Variants in AXIN2 observed in about 807,000 individuals in gnomAD.
AXIN2 encodes the protein axin 2.
Under a neutral mutation model 74.7 loss-of-function variants are expected in AXIN2, and 21 were observed. The ratio of observed to expected loss-of-function variants is 0.28; its 90% confidence interval spans 0.20 to 0.40. The LOEUF (loss-of-function observed/expected upper bound fraction) is 0.40, where lower values mean the gene tolerates loss of function less well. AXIN2 is among the 10% of genes least tolerant of loss of function. The pLI is 1.00. For missense variants in AXIN2, 1,144 were observed against 1,111.1 expected, an observed-to-expected ratio of 1.03 and a Z score of -0.42; for synonymous variants, 532 against 454.9, an observed-to-expected ratio of 1.17 and a Z score of -2.16.
chr17:65,543,393 C>T (rs1411296747), intron 3 of AXIN2, among the ~76,000 whole-genome samples: 7 of 152,152 alleles, frequency 4.6e-5, no homozygotes, highest in Non-Finnish European at 7.3e-5. Flanking sequence ...TAGCTGAAAA[C>T]GGGACTTATA....
Position 65,529,344 on chromosome 17 carries a change from G to GAA in AXIN2, c.*630_*631dup, listed in dbSNP as rs796431470. On this transcript the variant is annotated 3_prime_UTR_variant, in exon 11 of 11. Transcript: ENST00000307078. ...TTTAAGACAAAACAGAGCAGCATAG[G>GAA]AAAAAAAAAAACAAAACGCACCAAT... 22 of 209,460 alleles carry GAA rather than the reference G, an allele frequency of 1.1e-4. No individual in the cohort carries two copies. The highest frequency in any genetic ancestry group is 2.9e-4 in the Admixed American group (5 of 17,450). 13.0% of individuals were successfully genotyped at this position (209,460 alleles called of 1,614,324 possible).
At chr17:65,538,162 C>T (rs755305827) in intron 5 of AXIN2, 41 bp downstream of exon 5, 2 of 1,613,916 alleles carry the variant, frequency 1.2e-6, no homozygotes, top group Non-Finnish European at 1.7e-6. Context: ...CGAGCGCTCA[C>T]GCCGTGGACG....
chr17:65,546,761 C>T (rs1226491748), intron 3 of AXIN2, among the ~76,000 whole-genome samples: 1 of 152,192 alleles, frequency 6.6e-6, no homozygotes, highest in Non-Finnish European at 1.5e-5. Flanking sequence ...ACAGAGCCAA[C>T]ACCATGAGCC....
Position 65,557,866 on chromosome 17 carries a change from C to A in AXIN2, c.755G>T (p.Ser252Ile), listed in dbSNP as rs750951236. The change falls in exon 2 of 11, where the codon AGC (serine) becomes ATC (isoleucine). Residue 252 changes from serine (S) to isoleucine (I), a missense_variant. Transcript: ENST00000307078. ...KLSPTVVGLS[S>I]KTLRATASVR... Reference sequence around the variant, plus strand: ...ACTCGCCGTGGCCCTCAGAGTTTTGCTGGACAAGCCAACCACGGTTGGCGA... The same window carrying A: ...ACTCGCCGTGGCCCTCAGAGTTTTGATGGACAAGCCAACCACGGTTGGCGA... The A allele has an allele frequency of 6.2e-7, 1 of 1,614,226 alleles. No individual in the cohort carries two copies. The highest frequency in any genetic ancestry group is 2.2e-5 in the East Asian group (1 of 44,880).
rs369221713 is a variant in AXIN2 at position 65,549,492 on chromosome 17, C to T, written c.956+28G>A. ...CAGGTGGCATCCACTCCCAAGCAAG[C>T]CCACGGAAGGGTGGCCAGGATACTC... On this transcript the variant is annotated intron_variant, in intron 3 of 10. Transcript: ENST00000307078. 10 of 1,611,280 alleles carry T rather than the reference C, an allele frequency of 6.2e-6. No individual in the cohort carries two copies. The African/African-American group carries it at 8.0e-5, about 13-fold the overall frequency.
Position 65,530,038 on chromosome 17 carries a change from C to T in AXIN2, c.2470G>A (p.Asp824Asn), listed in dbSNP as rs1244596696. The T allele has an allele frequency of 6.2e-7, 1 of 1,614,132 alleles. No homozygotes were observed. The highest frequency in any genetic ancestry group is 1.3e-5 in the African/African-American group (1 of 74,938). Residue 824 changes from aspartate to asparagine, a missense_variant, in exon 11 of 11, where the codon GAT becomes AAT. Asp to Asn is a conservative substitution (Grantham distance 23). Around this residue, in one of 4 missense-constraint regions of AXIN2, gnomAD observed 65 missense variants for 95.7 expected, o/e 0.68. Transcript: ENST00000307078. ...TCATACATCGGGAGCACCGTCTCAT[C>T]CTCCCAGATCTCCTCAAACACCGCT... ...CGAVFEEIWE[D>N]ETVLPMYEGR... is the part of the protein sequence containing the mutation.
chr17:65,537,977 G>T, intron 5 of AXIN2, 142 bp from the exon 6 acceptor site: 1 of 1,345,418 alleles, frequency 7.4e-7, no homozygotes, highest in Non-Finnish European at 1.0e-6. Flanking sequence ...CACACGCACA[G>T]GCCCGCCTAC....
At chr17:65,548,742 CCA>C (rs1285015422) in intron 3 of AXIN2, among the ~76,000 whole-genome samples, 1 of 152,168 alleles carries the variant, frequency 6.6e-6, no homozygotes, top group Non-Finnish European at 1.5e-5. Context: ...TGCTGTCCAT[CCA>C]CAGAGATTGC....
In AXIN2 at chr17:65,536,382, C is replaced by G. The variant is rs551098654; in HGVS notation, c.2079G>C (p.Thr693=). 1 of 1,613,720 alleles carries G rather than the reference C, an allele frequency of 6.2e-7. No homozygotes were observed. Among genetic ancestry groups the G allele is most frequent in the South Asian group, 1.1e-5 (1 of 91,070 alleles). The stretch of plus-strand genomic sequence containing the variant: ...GACAGGCCTCCTCCAGCTGAGCCAG[C>G]GTGTTGGGTGGGGTCAGGGGAGGCA... ...PAMPPLTPPN[T]LAQLEEACRR... The change falls in exon 8 of 11, where the codon ACG becomes ACC. Residue 693 remains threonine (T), a synonymous_variant. Transcript: ENST00000307078.
Position 65,529,243 on chromosome 17 carries a change from C to G in AXIN2, c.*733G>C. The G allele has an allele frequency of 4.2e-6, 1 of 235,634 alleles. No individual in the cohort carries two copies. The highest frequency in any genetic ancestry group is 6.0e-5 in the East Asian group (1 of 16,628). The allele number at this position is 235,634 out of a possible 1,614,324, so 14.6% of individuals were successfully genotyped here. On this transcript the variant is annotated 3_prime_UTR_variant, in exon 11 of 11. Transcript: ENST00000307078. ...AAGGAGCAGGGTTCCCTGCCTCTCC[C>G]TCTGCAACAGATCATCCCATCCAAC...
chr17:65,537,238 T>G, intron 6 of AXIN2, 86 bp downstream of exon 6: 1 of 1,591,414 alleles, frequency 6.3e-7, no homozygotes, highest in Non-Finnish European at 8.6e-7. Flanking sequence ...TAAATGCCTG[T>G]AATGCGGCTC....
Position 65,537,738 on chromosome 17 carries a change from T to A in AXIN2, c.1298A>T (p.Glu433Val), listed in dbSNP as rs1472777958. The A allele has an allele frequency of 1.3e-6, 2 of 1,566,972 alleles. No individual in the cohort carries two copies. Among genetic ancestry groups the A allele is most frequent in the Admixed American group, 3.8e-5 (2 of 52,402 alleles). ...ATCGTCCAGTATCGTCTGCGGGTCTTCCTCGTAGCTGCCGGAGGGCAGTAG... is the reference window on the plus strand; with the variant it reads ...ATCGTCCAGTATCGTCTGCGGGTCTACCTCGTAGCTGCCGGAGGGCAGTAG... Reference protein sequence around the residue: ...LSLLPSGSYEEDPQTILDDHL... With the variant: ...LSLLPSGSYEVDPQTILDDHL... The change falls in exon 6 of 11, where the codon GAA (glutamate) becomes GTA (valine). Residue 433 changes from glutamate to valine, a missense_variant. Glu to Val is a moderately radical substitution (Grantham distance 121). This residue lies in a region of AXIN2 where 1,053 missense variants were observed against 973.5 expected (regional missense o/e 1.08). Coordinates refer to ENST00000307078, the MANE Select transcript of AXIN2 (RefSeq NM_004655.4).
intron 9 of AXIN2, 80 bp from the exon 10 acceptor site, chr17:65,534,159 G>A (rs957963632): frequency 3.0e-5 from 46 of 1,525,746 alleles, no homozygotes; most frequent in Non-Finnish European, 4.0e-5. Context: ...GTGCGCACAT[G>A]TGCATAAGTG....
intron 8 of AXIN2, among the ~76,000 whole-genome samples, chr17:65,535,929 G>A (rs2043904789): frequency 6.6e-6 from 1 of 152,188 alleles, no homozygotes; most frequent in Non-Finnish European, 1.5e-5. Context: ...CCCCCTGGGA[G>A]CCCAGGATGG....
At chr17:65,535,825 A>C in intron 8 of AXIN2, 104 bp from the exon 9 acceptor site, 1 of 1,040,388 alleles carries the variant, frequency 9.6e-7, no homozygotes, top group Non-Finnish European at 1.5e-6. Flanking sequence ...AGAGACACGA[A>C]CCCGACTTCC....
intron 3 of AXIN2, among the ~76,000 whole-genome samples, chr17:65,545,193 G>A (rs1365041732): frequency 6.6e-6 from 1 of 152,094 alleles, no homozygotes; most frequent in Non-Finnish European, 1.5e-5. Flanking sequence ...AAGAGACAAA[G>A]GCCTCCACAC....
intron 3 of AXIN2, among the ~76,000 whole-genome samples, chr17:65,546,055 C>T (rs111802840): frequency 1.3e-5 from 2 of 149,992 alleles, no homozygotes; most frequent in South Asian, 2.2e-4. Flanking sequence ...CCTCTCCCCC[C>T]CTCCCCAGCC....
At chr17:65,555,250 C>G (rs4790931) in intron 2 of AXIN2, among the ~76,000 whole-genome samples, 145,116 of 152,210 alleles carry the variant, frequency 0.95, 69,396 homozygotes, top group Middle Eastern at 0.97. Flanking sequence ...TCCTCAGCAG[C>G]ACTGACGTTT....
At chr17:65,553,963 A>G (rs1346967208) in intron 2 of AXIN2, among the ~76,000 whole-genome samples, 1 of 152,108 alleles carries the variant, frequency 6.6e-6, no homozygotes, top group Non-Finnish European at 1.5e-5. Flanking sequence ...TACACAGAGT[A>G]GAGGCCTATG....
Sources: allele counts gnomAD v4.1 joint callset (sites outside exome capture counted in the v4.1 genomes callset), GRCh38; gene constraint gnomAD v4.1.1; regional missense constraint gnomAD v4.1.1; transcripts MANE v1.5; gene names NCBI Gene and HGNC (gene_info 2026-07-23, HGNC 2026-07-21).